The following CMC1 variants were observed in gnomAD, a reference collection of about 807,000 sequenced individuals.
The protein encoded by CMC1 is COX assembly mitochondrial protein homolog.
In CMC1, 14 loss-of-function variants were observed where a neutral mutation model predicts 14.1. The observed-to-expected ratio is 0.99, with a 90% confidence interval of 0.66 to 1.55. The LOEUF (loss-of-function observed/expected upper bound fraction) is 1.55. Among genes scored for constraint, CMC1 ranks in the 40% most tolerant of loss-of-function variants. The probability of loss-of-function intolerance (pLI) is 0.00; values close to 1 mark genes in which losing one functional copy is unlikely to be tolerated. For missense variants in CMC1, 127 were observed against 123.8 expected (o/e 1.03, Z -0.12); for synonymous variants, 50 against 38.4 (o/e 1.30, Z -1.12).
chr3:28,308,096 A>G (rs181904809), intron 2 of CMC1, among the ~76,000 whole-genome samples: 3 of 152,186 alleles, frequency 2.0e-5, no homozygotes, highest in East Asian at 1.9e-4. Context: ...CCTATTTTCA[A>G]CTGATTAGCA....
In CMC1 at chr3:28,266,858, C is replaced by T. The variant is rs180704730; in HGVS notation, c.109+3478C>T. ...TGATATTGTTGGTGGTGAATAAAGC[C>T]GCTAAAATAAATGACTGAAGTATAC... On this transcript the variant is annotated intron_variant, in intron 2 of 3. Transcript: ENST00000466830. Among the ~76,000 whole-genome samples the T allele has an allele frequency of 1.2e-4, 18 of 152,112 alleles. No homozygotes were observed. In the South Asian group the frequency reaches 2.1e-3, roughly 18 times the overall value.
intron 2 of CMC1, among the ~76,000 whole-genome samples, chr3:28,290,810 A>G (rs1174837348): frequency 6.6e-6 from 1 of 152,102 alleles, no homozygotes; most frequent in Non-Finnish European, 1.5e-5. Flanking sequence ...TAATTATTCC[A>G]AAATGTAGTG....
chr3:28,306,766 T>C (rs1161064545), intron 2 of CMC1, among the ~76,000 whole-genome samples: 3 of 151,840 alleles, frequency 2.0e-5, no homozygotes, highest in African/African-American at 7.3e-5. Context: ...TGCCTCAGCC[T>C]CCTGAGTAGC....
intron 1 of CMC1, among the ~76,000 whole-genome samples, chr3:28,258,247 A>G (rs984119818): frequency 6.6e-6 from 1 of 151,262 alleles, no homozygotes; most frequent in Non-Finnish European, 1.5e-5. Context: ...GGTCTGTGGC[A>G]TGCCTTTTTA....
intron 1 of CMC1, among the ~76,000 whole-genome samples, chr3:28,245,132 G>A (rs752583292): frequency 8.5e-5 from 13 of 152,050 alleles, no homozygotes; most frequent in Admixed American, 3.3e-4. Flanking sequence ...GGTTTATTTT[G>A]TATTTTCTGT....
intron 1 of CMC1, among the ~76,000 whole-genome samples, chr3:28,249,176 A>C (rs1303038884): frequency 1.3e-5 from 2 of 152,234 alleles, no homozygotes; most frequent in African/African-American, 4.8e-5. Flanking sequence ...TTTGCTAAAG[A>C]ACTGTTACTG....
intron 2 of CMC1, among the ~76,000 whole-genome samples, chr3:28,286,642 A>G (rs1030157137): frequency 6.6e-6 from 1 of 152,214 alleles, no homozygotes; most frequent in African/African-American, 2.4e-5. Context: ...GCATTAGTGA[A>G]TGGAATATAT....
At position 28,319,963 on chromosome 3, in the gene CMC1, A is replaced by T. The variant is rs1266669116; in HGVS notation, c.*334A>T. 1 of 162,104 alleles carries T rather than the reference A, an allele frequency of 6.2e-6. No individual in the cohort carries two copies. Among genetic ancestry groups the T allele is most frequent in the Non-Finnish European group, 1.3e-5 (1 of 75,128 alleles). The allele number at this position is 162,104 out of a possible 1,614,324, so 10.0% of individuals were successfully genotyped here. ...TGCTAATGGCTAATCATGGGAGCCA[A>T]AACTAAAGAAAAGCAGGAATGGACA... is the stretch of plus-strand genomic sequence containing the variant. On this transcript the variant is annotated 3_prime_UTR_variant, in exon 4 of 4. Transcript: ENST00000466830.
chr3:28,288,098 A>T (rs1701283727), intron 2 of CMC1, among the ~76,000 whole-genome samples: 1 of 152,076 alleles, frequency 6.6e-6, no homozygotes, highest in Non-Finnish European at 1.5e-5. Context: ...TACAAAAAAA[A>T]TTATTGAACA....
intron 3 of CMC1, chr3:28,317,873 A>C (rs906536509): frequency 1.3e-5 from 2 of 151,996 alleles, no homozygotes; most frequent in African/African-American, 4.8e-5. Context: ...CTGAATATTA[A>C]TCATTTGAAT....
rs988859270 is a variant in CMC1, at chr3:28,317,904, C to T, written c.200+1481C>T. 2.6e-5 allele frequency: 4 copies of T among 151,718 alleles called. No homozygotes were observed. In the South Asian group the frequency reaches 8.3e-4, roughly 32 times the overall value. 9.4% of individuals were successfully genotyped at this position (151,718 alleles called of 1,614,324 possible). A position where few individuals can be genotyped will look rare whatever the true frequency, so the allele number is the denominator to read the frequency against. On this transcript the variant is annotated intron_variant, in intron 3 of 3. Transcript: ENST00000466830. ...TGAATATCCTTCCCTCTCTCACCCC[C>T]TAGAAATACAAGAAGAAAATAACAG... is the stretch of plus-strand genomic sequence containing the variant.
At chr3:28,275,131 T>C (rs1396484672) in intron 2 of CMC1, among the ~76,000 whole-genome samples, 1 of 152,158 alleles carries the variant, frequency 6.6e-6, no homozygotes, top group Admixed American at 6.5e-5. Context: ...TTCTATGCCC[T>C]TGCTGGAGAG....
intron 2 of CMC1, among the ~76,000 whole-genome samples, chr3:28,290,547 G>T (rs1333982613): frequency 6.6e-6 from 1 of 151,988 alleles, no homozygotes; most frequent in Non-Finnish European, 1.5e-5. Flanking sequence ...TTTTCTGGTT[G>T]GATCCTAGAA....
chr3:28,287,308 A>T (rs1701237008), intron 2 of CMC1, among the ~76,000 whole-genome samples: 1 of 152,074 alleles, frequency 6.6e-6, no homozygotes, highest in African/African-American at 2.4e-5. Context: ...TATTTCTCTC[A>T]GTTTGAAACA....
At chr3:28,289,606 T>A (rs1478808229) in intron 2 of CMC1, among the ~76,000 whole-genome samples, 1 of 152,082 alleles carries the variant, frequency 6.6e-6, no homozygotes, top group Non-Finnish European at 1.5e-5. Context: ...AAGTCTGTGA[T>A]CTCAGAAACT....
rs1251382246 is a variant in CMC1, at chr3:28,316,357, C to G, written c.134C>G (p.Ser45Cys). Reference sequence around the variant, plus strand: ...GATTTTACCAAATGTTGCAAGAACTCTGGAGTTCTTATGGTAGTAAAATGC... The same window carrying G: ...GATTTTACCAAATGTTGCAAGAACTGTGGAGTTCTTATGGTAGTAAAATGC... The part of the protein sequence containing the change: ...VQDFTKCCKN[S>C]GVLMVVKCRK... Residue 45 changes from serine (S) to cysteine (C), a missense_variant, in exon 3 of 4, where the codon TCT (serine) becomes TGT (cysteine). By Grantham distance (112) the Ser-to-Cys change is moderately radical. Transcript: ENST00000466830. The G allele has an allele frequency of 2.5e-6, 4 of 1,580,980 alleles. No homozygotes were observed. In the South Asian group the frequency reaches 3.5e-5, roughly 14 times the overall value.
intron 2 of CMC1, among the ~76,000 whole-genome samples, chr3:28,283,563 A>AG (rs1156393966): frequency 1.3e-5 from 2 of 151,470 alleles, no homozygotes; most frequent in Non-Finnish European, 3.0e-5. Context: ...AAAAAAAAAA[A>AG]AAAAGAAAAG....
chr3:28,308,995 T>A (rs116356268), intron 2 of CMC1, among the ~76,000 whole-genome samples: 5,577 of 53,518 alleles, frequency 0.1, 245 homozygotes, highest in African/African-American at 0.19. Flanking sequence ...AAAAAATAAA[T>A]AAATAAATAA....
chr3:28,258,614 A>ATTTTTTTTT (rs61323375), intron 1 of CMC1, among the ~76,000 whole-genome samples: 2 of 99,128 alleles, frequency 2.0e-5, no homozygotes, highest in Non-Finnish European at 3.9e-5. Context: ...GTATTTCTGG[A>ATTTTTTTTT]TTTTTTTTTT....
Sources: gnomAD v4.1 joint callset for allele counts (sites outside exome capture counted in the v4.1 genomes callset) on GRCh38, gnomAD v4.1.1 for gene constraint, MANE v1.5 for transcripts, NCBI Gene and HGNC (gene_info 2026-07-23, HGNC 2026-07-21) for gene names.